The following DTNA variants were observed in gnomAD, a reference collection of about 807,000 sequenced individuals.
DTNA encodes the protein dystrobrevin alpha, also known as dystrophin-related protein 3.
DTNA carries 43 observed loss-of-function variants against 100.7 expected under a neutral mutation model. That is an observed-to-expected ratio of 0.43 (90% CI 0.33 to 0.55). The LOEUF (loss-of-function observed/expected upper bound fraction) is 0.55, where lower values mean the gene tolerates loss of function less well. DTNA is among the 20% of genes least tolerant of loss of function. The pLI is 0.04. For synonymous variants in DTNA, 349 were observed against 347.9 expected (o/e 1.00, Z -0.04); for missense variants, 798 against 953.9 (o/e 0.84, Z 2.15).
intron 2 of DTNA, 138 bp from the exon 3 acceptor site, chr18:34,765,823 G>C (rs112339594): frequency 7.2e-6 from 6 of 837,250 alleles, no homozygotes; most frequent in Non-Finnish European, 1.1e-5. Context: ...ACCTGTTCAA[G>C]TCTTAAAGTT....
chr18:34,854,738 A>G (rs1231405385), intron 15 of DTNA, among the ~76,000 whole-genome samples: 1 of 152,206 alleles, frequency 6.6e-6, no homozygotes, highest in Non-Finnish European at 1.5e-5. Context: ...GGAGCCATCC[A>G]TTGGGGAAGG....
intron 1 of DTNA, among the ~76,000 whole-genome samples, chr18:34,592,965 C>T (rs556383246): frequency 5.5e-4 from 84 of 152,238 alleles, no homozygotes; most frequent in African/African-American, 1.9e-3. Flanking sequence ...ACTTGAGCTG[C>T]CTTGCTTTCT....
chr18:34,638,347 T>A (rs1200906683), intron 1 of DTNA, among the ~76,000 whole-genome samples: 4 of 152,240 alleles, frequency 2.6e-5, no homozygotes, highest in African/African-American at 7.2e-5. Context: ...CACAGCAATC[T>A]GTGACAAGTG....
intron 1 of DTNA, among the ~76,000 whole-genome samples, chr18:34,746,627 A>G (rs2091627235): frequency 6.6e-6 from 1 of 152,156 alleles, no homozygotes; most frequent in African/African-American, 2.4e-5. Flanking sequence ...CCCACCTATG[A>G]TAGTCTCCCC....
At chr18:34,867,948 C>T in intron 17 of DTNA, 1 of 985,400 alleles carries the variant, frequency 1.0e-6, no homozygotes, top group Non-Finnish European at 1.2e-6. Context: ...TGGGTAGTGG[C>T]AGAGTTTGCC....
chr18:34,673,370 G>A (rs1184467132), intron 1 of DTNA, among the ~76,000 whole-genome samples: 2 of 152,048 alleles, frequency 1.3e-5, no homozygotes, highest in Admixed American at 6.6e-5. Flanking sequence ...GAACTCCTGG[G>A]TTCAAGGGAT....
intron 17 of DTNA, among the ~76,000 whole-genome samples, chr18:34,872,440 T>C (rs1360899083): frequency 6.6e-6 from 1 of 152,224 alleles, no homozygotes; most frequent in African/African-American, 2.4e-5. Context: ...TAGCCCCATA[T>C]CTCAAATCAC....
At chr18:34,785,868 A>T (rs78765748) in intron 3 of DTNA, among the ~76,000 whole-genome samples, 13 of 152,212 alleles carry the variant, frequency 8.5e-5, no homozygotes, top group African/African-American at 3.1e-4. Context: ...CCAGAACAGC[A>T]CTGCAACACA....
intron 1 of DTNA, among the ~76,000 whole-genome samples, chr18:34,659,711 T>C (rs2074915313): frequency 6.6e-6 from 1 of 152,090 alleles, no homozygotes; most frequent in South Asian, 2.1e-4. Flanking sequence ...TAAATAAACT[T>C]GAAAAATAAA....
At position 34,838,137 on chromosome 18, in the gene DTNA, G is replaced by T. The variant is rs760958673; in HGVS notation, c.1219G>T (p.Ala407Ser). 43 of 1,613,738 alleles carry T rather than the reference G, an allele frequency of 2.7e-5. No individual in the cohort carries two copies. Among genetic ancestry groups the T allele is most frequent in the Non-Finnish European group, 3.1e-5 (36 of 1,179,844 alleles). Residue 407 changes from alanine (A) to serine (S), a missense_variant, in exon 12 of 23, where the codon GCT becomes TCT. By Grantham distance (99) the Ala-to-Ser change is moderately conservative. Transcript: ENST00000444659. ...DSEVEQNKLL[A>S]RAAPAFLKGK... ...TGAAGTAGAGCAGAACAAACTGCTG[G>T]CTAGGGCTGCTCCAGCTTTTCTGAA...
intron 1 of DTNA, among the ~76,000 whole-genome samples, chr18:34,751,340 C>T (rs971638369): frequency 6.6e-6 from 1 of 152,236 alleles, no homozygotes; most frequent in Non-Finnish European, 1.5e-5. Context: ...TGTGTTCCCA[C>T]GCCTACCCTC....
intron 1 of DTNA, among the ~76,000 whole-genome samples, chr18:34,665,555 T>C (rs2075802320): frequency 6.6e-6 from 1 of 152,176 alleles, no homozygotes; most frequent in Non-Finnish European, 1.5e-5. Context: ...GTATATCTCC[T>C]AATGCTATCC....
chr18:34,778,593 A>G (rs2094169970), intron 3 of DTNA, among the ~76,000 whole-genome samples: 1 of 152,130 alleles, frequency 6.6e-6, no homozygotes, highest in Non-Finnish European at 1.5e-5. Context: ...TAATTTTTTT[A>G]ATATCCTGGA....
chr18:34,655,453 A>C (rs16965743), intron 1 of DTNA, among the ~76,000 whole-genome samples: 20,451 of 152,168 alleles, frequency 0.13, 2,313 homozygotes, highest in African/African-American at 0.31. Flanking sequence ...GCTAAAGGCA[A>C]AACTAAGCAG....
intron 1 of DTNA, among the ~76,000 whole-genome samples, chr18:34,532,441 G>A (rs2469895): frequency 0.9 from 137,196 of 152,106 alleles, 61,888 homozygotes; most frequent in Middle Eastern, 0.95. Context: ...AGTTAGCTCA[G>A]TTGAGATCAT....
At chr18:34,638,398 C>T (rs75862557) in intron 1 of DTNA, among the ~76,000 whole-genome samples, 3,361 of 152,208 alleles carry the variant, frequency 0.022, 113 homozygotes, top group African/African-American at 0.076. Context: ...AACTGAGATA[C>T]GATATTTAAC....
intron 7 of DTNA, among the ~76,000 whole-genome samples, chr18:34,816,485 C>G (rs577039600): frequency 2.6e-5 from 4 of 152,164 alleles, no homozygotes; most frequent in African/African-American, 9.6e-5. Flanking sequence ...GTTGTACTTA[C>G]GTTAAAGATA....
intron 4 of DTNA, among the ~76,000 whole-genome samples, chr18:34,798,398 A>G (rs72963004): frequency 0.11 from 17,415 of 151,786 alleles, 1,039 homozygotes; most frequent in African/African-American, 0.14. Context: ...CAGACCCTCT[A>G]TTTTTACTTC....
intron 17 of DTNA, among the ~76,000 whole-genome samples, chr18:34,869,648 A>G (rs1270530204): frequency 1.3e-5 from 2 of 152,222 alleles, no homozygotes; most frequent in Non-Finnish European, 2.9e-5. Flanking sequence ...GAAACATCTG[A>G]TATTTTTTCT....
Sources: allele counts gnomAD v4.1 joint callset (sites outside exome capture counted in the v4.1 genomes callset), GRCh38; gene constraint gnomAD v4.1.1; transcripts MANE v1.5; gene names NCBI Gene and HGNC (gene_info 2026-07-23, HGNC 2026-07-21).